CSMD1: variants seen among roughly 807,000 people sequenced by gnomAD.
The protein encoded by CSMD1 is CUB and Sushi multiple domains 1, also known as CUB and sushi domain-containing protein 1.
In CSMD1, 213 loss-of-function variants were observed where a neutral mutation model predicts 417.5. The observed-to-expected ratio is 0.51, with a 90% CI of 0.46 to 0.57. The LOEUF is 0.57. Ranked by LOEUF, CSMD1 falls within the 20% of genes least tolerant of loss-of-function variation. The pLI is 0.00. For synonymous variants in CSMD1, 2,862 were observed against 1,736.8 expected (o/e 1.65, Z -16.11); for missense variants, 6,923 against 4,529.7 (o/e 1.53, Z -15.17).
intron 2 of CSMD1, among the ~76,000 whole-genome samples, chr8:4,606,505 G>C (rs548000338): frequency 2.8e-4 from 43 of 152,302 alleles, no homozygotes; most frequent in African/African-American, 1.0e-3. Flanking sequence ...TTGGTTCTGT[G>C]TGTGGCTGAA....
chr8:3,851,604 T>A (rs1265399166), intron 5 of CSMD1, among the ~76,000 whole-genome samples: 1 of 152,208 alleles, frequency 6.6e-6, no homozygotes. Flanking sequence ...TTGTCTCTAC[T>A]TTCACTGGAG....
intron 7 of CSMD1, among the ~76,000 whole-genome samples, chr8:3,685,396 G>A (rs975459270): frequency 1.3e-5 from 2 of 152,130 alleles, no homozygotes; most frequent in African/African-American, 4.8e-5. Context: ...GGGTCCTGCT[G>A]CTCACTGCAC....
chr8:4,776,677 C>T (rs920793638), intron 1 of CSMD1, among the ~76,000 whole-genome samples: 1 of 152,122 alleles, frequency 6.6e-6, no homozygotes, highest in African/African-American at 2.4e-5. Context: ...GATTCTTTAC[C>T]ACAGGGAGAC....
At chr8:4,649,190 T>C (rs554461861) in intron 1 of CSMD1, among the ~76,000 whole-genome samples, 1 of 152,310 alleles carries the variant, frequency 6.6e-6, no homozygotes, top group South Asian at 2.1e-4. Context: ...TTTATTATAA[T>C]CTACTGACTG....
intron 5 of CSMD1, among the ~76,000 whole-genome samples, chr8:3,885,702 G>T (rs1033990707): frequency 6.6e-6 from 1 of 152,076 alleles, no homozygotes; most frequent in Non-Finnish European, 1.5e-5. Context: ...GCACGTGTGA[G>T]CTCATGAAAT....
chr8:4,036,744 T>G (rs1348915567), intron 3 of CSMD1, among the ~76,000 whole-genome samples: 3 of 152,200 alleles, frequency 2.0e-5, no homozygotes, highest in Admixed American at 1.3e-4. Flanking sequence ...GGCTTTTATT[T>G]TACACCAGGT....
chr8:4,765,652 T>A lies in CSMD1; in HGVS notation c.86-128094A>T, dbSNP rs114870470. 3.6e-3 allele frequency among the ~76,000 whole-genome samples: 549 copies of A among 152,294 alleles called. 8 individuals are homozygous for A. The highest frequency in any genetic ancestry group is 0.013 in the African/African-American group (529 of 41,570). ...CAGAAAACTGCTCACTAAAGATATA[T>A]CCAAGCAAACTTGCTGTGCTGGAGC... On this transcript the variant is annotated intron_variant, in intron 1 of 69. Coordinates refer to ENST00000635120, the MANE Select transcript of CSMD1 (RefSeq NM_033225.6).
intron 3 of CSMD1, among the ~76,000 whole-genome samples, chr8:4,095,171 C>A (rs369608736): frequency 3.9e-5 from 6 of 152,094 alleles, no homozygotes; most frequent in Non-Finnish European, 8.8e-5. Context: ...TTGTTGGGGA[C>A]GGATAGCCAC....
intron 7 of CSMD1, among the ~76,000 whole-genome samples, chr8:3,642,631 G>C (rs1413296038): frequency 6.6e-6 from 1 of 152,188 alleles, no homozygotes; most frequent in Non-Finnish European, 1.5e-5. Flanking sequence ...AGTGGAAGTA[G>C]GCAGGTTAAC....
At chr8:4,536,621 G>GAATAGGTACAGGTTATTT (rs1375193928) in intron 2 of CSMD1, among the ~76,000 whole-genome samples, 1 of 152,184 alleles carries the variant, frequency 6.6e-6, no homozygotes, top group African/African-American at 2.4e-5. Flanking sequence ...TGGATACTGA[G>GAATAGGTACAGGTTATTT]AATAGGTACA....
chr8:4,880,273 T>A lies in CSMD1; in HGVS notation c.85+114059A>T, dbSNP rs138571976. 1.1e-3 allele frequency among the ~76,000 whole-genome samples: 163 copies of A among 152,080 alleles called. 1 individual carries two copies. In the East Asian group the frequency reaches 0.029, roughly 27 times the overall value. ...TTCCCCAAAGGATGGAGAAAAAAAA[T>A]GAAGTTAGCTTTGGGGATCTCACAC... On this transcript the variant is annotated intron_variant, in intron 1 of 69. Coordinates refer to ENST00000635120, the MANE Select transcript of CSMD1 (RefSeq NM_033225.6).
chr8:4,063,187 A>G (rs997146112), intron 3 of CSMD1, among the ~76,000 whole-genome samples: 1 of 152,190 alleles, frequency 6.6e-6, no homozygotes, highest in African/African-American at 2.4e-5. Flanking sequence ...AATGGATATC[A>G]TAATTATCCT....
intron 10 of CSMD1, among the ~76,000 whole-genome samples, chr8:3,520,793 T>G (rs889850287): frequency 1.3e-5 from 2 of 152,008 alleles, no homozygotes; most frequent in African/African-American, 4.8e-5. Flanking sequence ...CATCACCACA[T>G]CTGTAGAGGA....
chr8:3,115,798 T>G (rs998516951), intron 42 of CSMD1, among the ~76,000 whole-genome samples: 2 of 152,220 alleles, frequency 1.3e-5, no homozygotes, highest in African/African-American at 4.8e-5. Context: ...TTTTATTAAT[T>G]ATCTAAACTG....
At chr8:4,577,898 T>C (rs1426300791) in intron 2 of CSMD1, among the ~76,000 whole-genome samples, 1 of 152,186 alleles carries the variant, frequency 6.6e-6, no homozygotes, top group African/African-American at 2.4e-5. Flanking sequence ...AGTAAATGTA[T>C]CAAGTCCTAG....
At chr8:3,692,512 G>A (rs916908886) in intron 7 of CSMD1, among the ~76,000 whole-genome samples, 1 of 151,648 alleles carries the variant, frequency 6.6e-6, no homozygotes, top group Admixed American at 6.6e-5. Flanking sequence ...CGCGATATCG[G>A]CTCACTACAA....
chr8:4,542,886 T>TA (rs1797460223), intron 2 of CSMD1, among the ~76,000 whole-genome samples: 1 of 152,148 alleles, frequency 6.6e-6, no homozygotes, highest in South Asian at 2.1e-4. Flanking sequence ...CTAATAGAAA[T>TA]ATATTAGCAT....
chr8:4,802,127 A>G (rs185261802), intron 1 of CSMD1, among the ~76,000 whole-genome samples: 30 of 152,332 alleles, frequency 2.0e-4, no homozygotes, highest in Admixed American at 3.3e-4. Context: ...GGCCATCTGG[A>G]GGGATCTCAA....
chr8:3,861,712 G>C (rs139617961), intron 5 of CSMD1, among the ~76,000 whole-genome samples: 9 of 152,048 alleles, frequency 5.9e-5, no homozygotes, highest in African/African-American at 2.2e-4. Flanking sequence ...GTTTTTATTC[G>C]TTTTGTGTTT....
Sources: allele counts gnomAD v4.1 joint callset (sites outside exome capture counted in the v4.1 genomes callset), GRCh38; gene constraint gnomAD v4.1.1; transcripts MANE v1.5; gene names NCBI Gene and HGNC (gene_info 2026-07-23, HGNC 2026-07-21).